MINAR1: variants seen among roughly 807,000 people sequenced by gnomAD.
MINAR1 encodes the protein membrane integral NOTCH2 associated receptor 1, also known as major intrinsically disordered Notch2-binding receptor 1.
In MINAR1, 40 loss-of-function variants were observed where a neutral mutation model predicts 65.1. That is an observed-to-expected ratio of 0.61 (90% CI 0.48 to 0.80). The LOEUF is 0.80. Ranked by LOEUF, MINAR1 falls within the 30% of genes least tolerant of loss-of-function variation. The pLI, the probability that MINAR1 is intolerant of heterozygous loss-of-function variation, is 0.00. For synonymous variants in MINAR1, 482 were observed against 449.1 expected, an observed-to-expected ratio of 1.07 and a Z score of -0.93; for missense variants, 1,128 against 1,148.0, an observed-to-expected ratio of 0.98 and a Z score of 0.25.
In MINAR1 at chr15:79,471,658, T is replaced by C. The variant is rs1176485457; in HGVS notation, c.*3274T>C. 1 of 152,612 alleles carries C rather than the reference T, an allele frequency of 6.6e-6. No individual in the cohort carries two copies. Among genetic ancestry groups the C allele is most frequent in the African/African-American group, 2.4e-5 (1 of 41,458 alleles). 9.5% of individuals were successfully genotyped at this position (152,612 alleles called of 1,614,324 possible). On this transcript the variant is annotated 3_prime_UTR_variant, in exon 4 of 4. Transcript: ENST00000305428. Reference sequence around the variant, plus strand: ...ACCCTTATTGGAATCAAGGCAGTGCTGTTTCTGTTTACAAGTTATCAAGAT... The same window carrying C: ...ACCCTTATTGGAATCAAGGCAGTGCCGTTTCTGTTTACAAGTTATCAAGAT...
In MINAR1 at chr15:79,469,637, T is replaced by TGTAAAAGAAGC. The variant is rs1261970232; in HGVS notation, c.*1254_*1264dup. ...TAACTTGAGAGCAAGGTTTCTTTCG[T>TGTAAAAGAAGC]GTAAAAGAAGCTGTTGTAATTTCAT... is the stretch of plus-strand genomic sequence containing the variant. On this transcript the variant is annotated 3_prime_UTR_variant, in exon 4 of 4. Coordinates refer to ENST00000305428, the MANE Select transcript of MINAR1 (RefSeq NM_015206.3). 1.3e-5 allele frequency: 2 copies of TGTAAAAGAAGC among 152,632 alleles called. No homozygotes were observed. The highest frequency in any genetic ancestry group is 2.9e-5 in the Non-Finnish European group (2 of 68,030). 9.5% of individuals were successfully genotyped at this position (152,632 alleles called of 1,614,324 possible).
Position 79,457,437 on chromosome 15 carries a change from A to T in MINAR1, c.1290A>T (p.Ala430=). The T allele has an allele frequency of 1.2e-6, 2 of 1,614,240 alleles. No individual in the cohort carries two copies. Among genetic ancestry groups the T allele is most frequent in the Non-Finnish European group, 1.7e-6 (2 of 1,180,044 alleles). The change falls in exon 2 of 4, where the codon GCA becomes GCT. Residue 430 remains alanine (A), a synonymous_variant. Transcript: ENST00000305428. ...CAATTCTCCCCATTGCTTATGCGGC[A>T]AAACAAAATGGGCTCAAATCTAAAG... is the stretch of plus-strand genomic sequence containing the variant. ...QQPILPIAYA[A]KQNGLKSKEI... is the part of the protein sequence containing the mutation.
upstream of MINAR1, among the ~76,000 whole-genome samples, chr15:79,430,241 GGGA>G (rs1161804814): frequency 6.6e-6 from 1 of 152,140 alleles, no homozygotes; most frequent in East Asian, 1.9e-4. Flanking sequence ...GCTGAACTAA[GGGA>G]GGGAAAAGCA....
At position 79,463,287 on chromosome 15, in the gene MINAR1, G is replaced by GCGA; in HGVS notation, c.2521_2523dup (p.Asp841dup). ...ATTGAGGAGTATGCACGGAATGCGG[G>GCGA]CGACAAGGGCAAGCTGACAGCCCTG... On this transcript the variant is annotated inframe_insertion, in exon 3 of 4. Coordinates refer to ENST00000305428, the MANE Select transcript of MINAR1 (RefSeq NM_015206.3). 1 of 1,614,124 alleles carries GCGA rather than the reference G, an allele frequency of 6.2e-7. No homozygotes were observed. Among genetic ancestry groups the GCGA allele is most frequent in the Non-Finnish European group, 8.5e-7 (1 of 1,179,982 alleles).
intron 1 of MINAR1, among the ~76,000 whole-genome samples, chr15:79,435,640 A>G (rs867915253): frequency 6.6e-6 from 1 of 152,204 alleles, no homozygotes; most frequent in Non-Finnish European, 1.5e-5. Context: ...GTGAATGCTT[A>G]TTGAATGGAT....
intron 2 of MINAR1, among the ~76,000 whole-genome samples, chr15:79,462,686 C>T (rs185741210): frequency 2.4e-4 from 37 of 152,274 alleles, no homozygotes; most frequent in Admixed American, 5.9e-4. Flanking sequence ...AGTTAAACAA[C>T]GACTCTAAAG....
intron 1 of MINAR1, among the ~76,000 whole-genome samples, chr15:79,447,865 G>T (rs373929556): frequency 4.6e-5 from 7 of 152,274 alleles, no homozygotes; most frequent in African/African-American, 1.7e-4. Context: ...CTGTGCACCA[G>T]ATTTTTTTCA....
At chr15:79,459,981 A>C (rs890952892) in intron 2 of MINAR1, among the ~76,000 whole-genome samples, 1 of 152,040 alleles carries the variant, frequency 6.6e-6, no homozygotes, top group African/African-American at 2.4e-5. Flanking sequence ...CATTTAGAGA[A>C]CTCAAATGGT....
In MINAR1 at chr15:79,456,130, C is replaced by T. The variant is rs746751547; in HGVS notation, c.-18C>T. 2.6e-5 allele frequency: 41 copies of T among 1,605,668 alleles called. No individual in the cohort carries two copies. Among genetic ancestry groups the T allele is most frequent in the Non-Finnish European group, 3.3e-5 (39 of 1,174,510 alleles). On this transcript the variant is annotated 5_prime_UTR_variant, in exon 2 of 4. Coordinates refer to ENST00000305428, the MANE Select transcript of MINAR1 (RefSeq NM_015206.3). ...CTGAAGTTTCAGTGTAGTCAGAGAG[C>T]TCTTCAAGTAATAAATCATGGAGAC...
intron 2 of MINAR1, among the ~76,000 whole-genome samples, chr15:79,462,213 G>A (rs575198054): frequency 6.6e-6 from 1 of 152,084 alleles, no homozygotes; most frequent in Non-Finnish European, 1.5e-5. Flanking sequence ...TGCCTTTAAG[G>A]AACTCATAGT....
the MINAR1 span, chr15:79,423,525 A>G: frequency 1.3e-5 from 2 of 152,230 alleles, no homozygotes; most frequent in African/African-American, 4.8e-5. Context: ...TGGCTCCTCT[A>G]TGGCCCACCC....
At chr15:79,411,603 G>A in the MINAR1 span, 7 of 663,394 alleles carry the variant, frequency 1.1e-5, no homozygotes, top group African/African-American at 1.2e-4. Context: ...CCATGCACTG[G>A]GACTAGCTCC....
At chr15:79,451,686 G>T (rs1012985490) in intron 1 of MINAR1, among the ~76,000 whole-genome samples, 12 of 152,196 alleles carry the variant, frequency 7.9e-5, no homozygotes, top group African/African-American at 2.4e-4. Flanking sequence ...CTGTTCCTCA[G>T]CAAGGAGCTC....
chr15:79,453,412 C>A (rs1000925862), intron 1 of MINAR1, among the ~76,000 whole-genome samples: 7 of 144,052 alleles, frequency 4.9e-5, no homozygotes, highest in Non-Finnish European at 1.1e-4. Context: ...ATAGTTACTT[C>A]CTCTCTGAGT....
intron 2 of MINAR1, among the ~76,000 whole-genome samples, chr15:79,462,086 C>T (rs1895664866): frequency 6.6e-6 from 1 of 152,308 alleles, no homozygotes; most frequent in South Asian, 2.1e-4. Flanking sequence ...GCTCTCTGTT[C>T]CATACACATG....
chr15:79,451,765 G>A (rs1377478545), intron 1 of MINAR1, among the ~76,000 whole-genome samples: 1 of 152,154 alleles, frequency 6.6e-6, no homozygotes, highest in Non-Finnish European at 1.5e-5. Context: ...TCCACATGGG[G>A]GTGGGGGTGA....
rs189554637 is a variant in MINAR1 at position 79,437,384 on chromosome 15, G to A, written c.-51+4844G>A. 2.4e-3 allele frequency among the ~76,000 whole-genome samples: 359 copies of A among 150,264 alleles called. 3 individuals carry two copies. The highest frequency in any genetic ancestry group is 8.5e-3 in the African/African-American group (350 of 41,022). On this transcript the variant is annotated intron_variant, in intron 1 of 3. Transcript: ENST00000305428. ...GGGATAGGTAGTGAGTGGATGTGGTGGGCAGTGATTGGGTGTGGGTGTGGG... is the reference window on the plus strand; with the variant it reads ...GGGATAGGTAGTGAGTGGATGTGGTAGGCAGTGATTGGGTGTGGGTGTGGG...
chr15:79,439,367 TG>T (rs1894795144), intron 1 of MINAR1, among the ~76,000 whole-genome samples: 1 of 51,712 alleles, frequency 1.9e-5, no homozygotes, highest in Non-Finnish European at 3.9e-5. Context: ...GAGATGTGGG[TG>T]GGGTAGGCAG....
the MINAR1 span, chr15:79,424,225 A>C: frequency 6.6e-6 from 1 of 152,254 alleles, no homozygotes; most frequent in Non-Finnish European, 1.5e-5. Flanking sequence ...AATGAGGCTT[A>C]GTTACCAGAC....
Sources: allele counts gnomAD v4.1 joint callset (sites outside exome capture counted in the v4.1 genomes callset), GRCh38; gene constraint gnomAD v4.1.1; transcripts MANE v1.5; gene names NCBI Gene and HGNC (gene_info 2026-07-23, HGNC 2026-07-21).